Variants in DPP6 observed in about 807,000 individuals in gnomAD.
DPP6 encodes the protein dipeptidyl peptidase like 6, also known as A-type potassium channel modulatory protein DPP6.
Under a neutral mutation model 122.6 loss-of-function variants are expected in DPP6, and 69 were observed. That is an observed-to-expected ratio of 0.56 (90% CI 0.46 to 0.69). The LOEUF (loss-of-function observed/expected upper bound fraction) is 0.69, where lower values mean the gene tolerates loss of function less well. Ranked by LOEUF, DPP6 falls within the 30% of genes least tolerant of loss-of-function variation. The pLI is 0.00. For missense variants in DPP6, 928 were observed against 1,116.9 expected, an observed-to-expected ratio of 0.83 and a Z score of 2.41; for synonymous variants, 418 against 433.1, an observed-to-expected ratio of 0.97 and a Z score of 0.43.
intron 1 of DPP6, among the ~76,000 whole-genome samples, chr7:154,057,128 A>C (rs1800894764): frequency 6.6e-6 from 1 of 152,242 alleles, no homozygotes; most frequent in Non-Finnish European, 1.5e-5. Context: ...TGCCCAGTGA[A>C]TACATGCTGC....
intron 1 of DPP6, among the ~76,000 whole-genome samples, chr7:154,036,206 G>T (rs1382493948): frequency 1.3e-5 from 2 of 150,468 alleles, no homozygotes; most frequent in African/African-American, 4.9e-5. Flanking sequence ...CGCCTCACAG[G>T]TTCAAATGAT....
chr7:153,831,647 C>T, the DPP6 span, among the ~76,000 whole-genome samples: 2 of 152,300 alleles, frequency 1.3e-5, no homozygotes, highest in South Asian at 4.1e-4. Flanking sequence ...TGGACACCGA[C>T]ATTTACATTT....
At chr7:153,859,570 C>A in the DPP6 span, among the ~76,000 whole-genome samples, 1 of 152,278 alleles carries the variant, frequency 6.6e-6, no homozygotes, top group Non-Finnish European at 1.5e-5. Flanking sequence ...TTTGCCAGAG[C>A]AACTAGTGTG....
intron 1 of DPP6, among the ~76,000 whole-genome samples, chr7:153,918,760 A>C (rs1800494751): frequency 1.3e-5 from 2 of 151,976 alleles, no homozygotes. Context: ...TGGGCAGATC[A>C]CTTGAGGCCA....
the DPP6 span, among the ~76,000 whole-genome samples, chr7:153,847,832 ATATT>A: frequency 1.1e-4 from 17 of 152,282 alleles, 1 homozygote; most frequent in Admixed American, 9.8e-4. Context: ...GTTTAACTAA[ATATT>A]TATGGGGACT....
At chr7:153,812,760 A>G in the DPP6 span, among the ~76,000 whole-genome samples, 1 of 152,172 alleles carries the variant, frequency 6.6e-6, no homozygotes, top group South Asian at 2.1e-4. Context: ...CCTCACAGAG[A>G]AATAATACAT....
intron 5 of DPP6, among the ~76,000 whole-genome samples, chr7:154,608,434 T>C (rs1586724052): frequency 6.7e-6 from 1 of 150,174 alleles, no homozygotes; most frequent in East Asian, 2.0e-4. Context: ...TTCAAAGGAT[T>C]CTCCTGCCTC....
At position 154,087,117 on chromosome 7, in the gene DPP6, C is replaced by A. The variant is rs561611446; in HGVS notation, c.243+34054C>A. ...CAGCTAAAGTGTCAGTAGGTGCTCA[C>A]TAGTTTGGAACAGAAGAGAACATTG... On this transcript the variant is annotated intron_variant, in intron 1 of 25. Transcript: ENST00000377770. Among the ~76,000 whole-genome samples the A allele has an allele frequency of 9.1e-4, 138 of 151,516 alleles. 1 individual carries two copies. The highest frequency in any genetic ancestry group is 3.3e-3 in the African/African-American group (136 of 41,060).
Position 154,053,013 on chromosome 7 carries a change from G to T in DPP6, c.193G>T (p.Gly65Cys), listed in dbSNP as rs879255429. The change falls in exon 1 of 26, where the codon GGC (glycine) becomes TGC (cysteine). Residue 65 changes from glycine (G) to cysteine (C), a missense_variant. Gly to Cys is a radical substitution (Grantham distance 159). Coordinates refer to ENST00000377770, the MANE Select transcript of DPP6 (RefSeq NM_130797.4). ...ERGGGGGGAG[G>C]RPRFQYQARS... ...CGGCGGCGGCGGCGGCGGCGCGGGT[G>T]GCCGGCCCCGGTTCCAGTACCAGGC... 6.6e-6 allele frequency: 7 copies of T among 1,057,634 alleles called. No homozygotes were observed. The highest frequency in any genetic ancestry group is 8.0e-6 in the Non-Finnish European group (7 of 876,556). 65.5% of individuals were successfully genotyped at this position (1,057,634 alleles called of 1,614,324 possible). A position where few individuals can be genotyped will look rare whatever the true frequency, so the allele number is the denominator to read the frequency against.
intron 1 of DPP6, chr7:154,305,288 G>A (rs1806224120): frequency 7.6e-7 from 1 of 1,312,060 alleles, no homozygotes; most frequent in Admixed American, 3.3e-5. Flanking sequence ...TTCCTGCTTC[G>A]GATCCTCTCT....
intron 1 of DPP6, among the ~76,000 whole-genome samples, chr7:154,402,920 C>G (rs1177839181): frequency 1.3e-5 from 2 of 152,054 alleles, no homozygotes; most frequent in Non-Finnish European, 2.9e-5. Flanking sequence ...TGTGACAAAA[C>G]TGGAAGCAGA....
At chr7:154,224,348 A>T (rs1800475593) in intron 1 of DPP6, among the ~76,000 whole-genome samples, 1 of 148,678 alleles carries the variant, frequency 6.7e-6, no homozygotes, top group Non-Finnish European at 1.5e-5. Flanking sequence ...CAAATAATAC[A>T]ATAAAATAAA....
At chr7:154,779,049 C>T (rs1287317296) in intron 10 of DPP6, among the ~76,000 whole-genome samples, 1 of 135,324 alleles carries the variant, frequency 7.4e-6, no homozygotes, top group East Asian at 2.3e-4. Context: ...ACCACAACTA[C>T]CCCCACCATC....
the DPP6 span, among the ~76,000 whole-genome samples, chr7:153,770,380 GAAGAACA>G: frequency 9.2e-5 from 14 of 152,260 alleles, no homozygotes; most frequent in South Asian, 8.3e-4. Flanking sequence ...CGAGGACAAA[GAAGAACA>G]AAGAACAAAG....
intron 1 of DPP6, among the ~76,000 whole-genome samples, chr7:154,281,492 A>T (rs1184510467): frequency 6.6e-6 from 1 of 152,260 alleles, no homozygotes; most frequent in East Asian, 1.9e-4. Flanking sequence ...CAGCTGATTT[A>T]TGAACACAAA....
chr7:154,537,299 G>T (rs1435457548), intron 3 of DPP6, among the ~76,000 whole-genome samples: 1 of 151,968 alleles, frequency 6.6e-6, no homozygotes, highest in Non-Finnish European at 1.5e-5. Context: ...CACATGAAGA[G>T]ACTTTTAAAC....
rs530038916 is a variant in DPP6, at chr7:154,851,440, G to A, written c.1667-2340G>A. Among the ~76,000 whole-genome samples, 4 of 152,336 alleles carry A rather than the reference G, an allele frequency of 2.6e-5. No homozygotes were observed. In the East Asian group the frequency reaches 7.7e-4, roughly 29 times the overall value. The stretch of plus-strand genomic sequence containing the variant: ...TTTTCAAATTTATTCACCCTGAAAT[G>A]TGCAGAGAAAATACTTATAGGTTCT... On this transcript the variant is annotated intron_variant, in intron 16 of 25. Coordinates refer to ENST00000377770, the MANE Select transcript of DPP6 (RefSeq NM_130797.4).
At position 154,083,558 on chromosome 7, in the gene DPP6, A is replaced by G. The variant is rs531098649; in HGVS notation, c.243+30495A>G. ...TTTTAATACCCTAAGCCACAGCTCA[A>G]AATGCTGAGCACCACTTCTCTTCAG... On this transcript the variant is annotated intron_variant, in intron 1 of 25. Coordinates refer to ENST00000377770, the MANE Select transcript of DPP6 (RefSeq NM_130797.4). Among the ~76,000 whole-genome samples, 136 of 150,698 alleles carry G rather than the reference A, an allele frequency of 9.0e-4. 1 individual carries two copies. Among genetic ancestry groups the G allele is most frequent in the African/African-American group, 3.1e-3 (126 of 40,798 alleles).
At chr7:154,847,125 G>A (rs1040927639) in intron 16 of DPP6, among the ~76,000 whole-genome samples, 5 of 152,170 alleles carry the variant, frequency 3.3e-5, no homozygotes, top group Admixed American at 2.0e-4. Flanking sequence ...CAGGTCATAC[G>A]CATGAGCATC....
Sources: allele counts gnomAD v4.1 joint callset (sites outside exome capture counted in the v4.1 genomes callset), GRCh38; gene constraint gnomAD v4.1.1; transcripts MANE v1.5; gene names NCBI Gene and HGNC (gene_info 2026-07-23, HGNC 2026-07-21).